The following MCPH1 variants were observed in gnomAD, a reference collection of about 807,000 sequenced individuals.
MCPH1 encodes microcephalin 1, also known as microcephalin.
MCPH1 carries 104 observed loss-of-function variants against 84.5 expected under a neutral mutation model. That is an observed-to-expected ratio of 1.23 (90% CI 1.05 to 1.45). The LOEUF (loss-of-function observed/expected upper bound fraction) is 1.45. Ranked by LOEUF, MCPH1 falls within the 40% of genes most tolerant of loss-of-function variation. The pLI is 0.00. For missense variants in MCPH1, 1,498 were observed against 1,005.7 expected, an observed-to-expected ratio of 1.49 and a Z score of -6.62; for synonymous variants, 514 against 366.8, an observed-to-expected ratio of 1.40 and a Z score of -4.58.
At chr8:6,505,424 A>T (rs10108181) in intron 12 of MCPH1, among the ~76,000 whole-genome samples, 790 of 67,580 alleles carry the variant, frequency 0.012, 134 homozygotes, top group African/African-American at 0.035. Context: ...TATATACATA[A>T]AGAATATATA....
chr8:6,597,983 C>T (rs986422163), intron 12 of MCPH1, among the ~76,000 whole-genome samples: 11 of 152,226 alleles, frequency 7.2e-5, no homozygotes, highest in African/African-American at 2.7e-4. Flanking sequence ...ACGTGCCACT[C>T]ATGTCTGCTG....
chr8:6,591,489 G>C (rs1486432365), intron 12 of MCPH1, among the ~76,000 whole-genome samples: 1 of 152,200 alleles, frequency 6.6e-6, no homozygotes, highest in Non-Finnish European at 1.5e-5. Context: ...TGAATGGTCA[G>C]TGGAACATAG....
At chr8:6,621,340 C>G (rs1425014119) in intron 12 of MCPH1, 114 bp from the exon 13 acceptor site, 3 of 1,310,534 alleles carry the variant, frequency 2.3e-6, no homozygotes, top group Admixed American at 1.7e-5. Context: ...GCATGGCAGC[C>G]TTACATTCAG....
intron 11 of MCPH1, among the ~76,000 whole-genome samples, chr8:6,482,152 C>G (rs891126357): frequency 1.3e-5 from 2 of 152,078 alleles, no homozygotes; most frequent in African/African-American, 4.8e-5. Context: ...ATAATGTTCC[C>G]CAAGCACAAG....
intron 12 of MCPH1, chr8:6,514,800 A>G (rs376772420): frequency 1.9e-5 from 31 of 1,600,152 alleles, no homozygotes; most frequent in African/African-American, 4.0e-5. Flanking sequence ...AATGCAGGGT[A>G]TAAGTGACAG....
intron 12 of MCPH1, among the ~76,000 whole-genome samples, chr8:6,535,975 T>A (rs144614807): frequency 2.5e-3 from 384 of 152,148 alleles, no homozygotes; most frequent in African/African-American, 8.8e-3. Context: ...GAGGACTGCT[T>A]GAGCCCAGGA....
At position 6,505,895 on chromosome 8, in the gene MCPH1, A is replaced by C. The variant is rs1300869665; in HGVS notation, c.2214+5966A>C. On this transcript the variant is annotated intron_variant, in intron 12 of 13. Transcript: ENST00000344683. ...ATATTCTTTATATATGTATATATAA[A>C]AACATACATATTCTTTATATATGTA... 2.4e-4 allele frequency among the ~76,000 whole-genome samples: 28 copies of C among 117,488 alleles called. No homozygotes were observed. In the East Asian group the frequency reaches 6.1e-3, roughly 25 times the overall value. 77.1% of individuals were successfully genotyped at this position (117,488 alleles called of 152,430 possible). A position where few individuals can be genotyped will look rare whatever the true frequency, so the allele number is the denominator to read the frequency against.
chr8:6,622,028 C>A, intron 13 of MCPH1: 1 of 400,482 alleles, frequency 2.5e-6, no homozygotes, highest in Non-Finnish European at 5.0e-6. Flanking sequence ...GACCCTCCCT[C>A]CCCAGTGCCT....
chr8:6,407,631 A>C (rs548090648), intron 1 of MCPH1, among the ~76,000 whole-genome samples: 53 of 152,346 alleles, frequency 3.5e-4, no homozygotes, highest in African/African-American at 1.2e-3. Flanking sequence ...CTTTATACAA[A>C]GTCTGTAATC....
chr8:6,630,241 A>G (rs957488517), intron 13 of MCPH1, among the ~76,000 whole-genome samples: 1 of 152,212 alleles, frequency 6.6e-6, no homozygotes, highest in African/African-American at 2.4e-5. Flanking sequence ...AATATTAAAA[A>G]TCCTGACAAT....
intron 9 of MCPH1, among the ~76,000 whole-genome samples, chr8:6,462,736 A>ACTTTGTGT (rs1806421022): frequency 2.0e-5 from 3 of 152,234 alleles, no homozygotes; most frequent in Non-Finnish European, 4.4e-5. Context: ...AAACAGGAAT[A>ACTTTGTGT]ATAATAATAG....
At chr8:6,544,031 A>G (rs773805867) in intron 12 of MCPH1, among the ~76,000 whole-genome samples, 17 of 152,240 alleles carry the variant, frequency 1.1e-4, no homozygotes, top group Non-Finnish European at 1.6e-4. Flanking sequence ...ATGTTTTCAG[A>G]TAAGAAACAA....
intron 11 of MCPH1, among the ~76,000 whole-genome samples, chr8:6,486,687 C>T (rs757366038): frequency 1.8e-4 from 27 of 152,164 alleles, no homozygotes; most frequent in Admixed American, 5.2e-4. Flanking sequence ...GTTTTTCCTC[C>T]TTCATGACTG....
chr8:6,477,774 C>T (rs894000620), intron 10 of MCPH1, 143 bp downstream of exon 10: 2 of 732,522 alleles, frequency 2.7e-6, no homozygotes, highest in Middle Eastern at 3.5e-4. Flanking sequence ...GTTAGAAGAT[C>T]ACTGAAAATT....
chr8:6,560,453 T>G (rs771294919), intron 12 of MCPH1, among the ~76,000 whole-genome samples: 1 of 152,208 alleles, frequency 6.6e-6, no homozygotes, highest in Non-Finnish European at 1.5e-5. Context: ...GAGGTTACAT[T>G]TAATCACTTT....
At position 6,487,966 on chromosome 8, in the gene MCPH1, G is replaced by A. The variant is rs1810131866; in HGVS notation, c.2136+7090G>A. On this transcript the variant is annotated intron_variant, in intron 11 of 13. Transcript: ENST00000344683. ...AGAAACACATCTCTGTCAAGGCATT[G>A]TTTTAAGGCAGTGACTATGGTCTTA... Among the ~76,000 whole-genome samples, 3 of 152,234 alleles carry A rather than the reference G, an allele frequency of 2.0e-5. No homozygotes were observed. The South Asian group carries it at 6.2e-4, about 31-fold the overall frequency.
chr8:6,487,802 C>T (rs1474115347), intron 11 of MCPH1, among the ~76,000 whole-genome samples: 1 of 152,178 alleles, frequency 6.6e-6, no homozygotes, highest in Non-Finnish European at 1.5e-5. Flanking sequence ...TTATACTTCA[C>T]AGAGTGTTTT....
chr8:6,634,323 G>A (rs942066576), intron 13 of MCPH1, among the ~76,000 whole-genome samples: 12 of 152,208 alleles, frequency 7.9e-5, no homozygotes, highest in Non-Finnish European at 1.3e-4. Context: ...AGGCAGCGTC[G>A]AAACTCATTG....
rs377263854 is a variant in MCPH1, at chr8:6,541,604, G to A, written c.2214+41675G>A. Among the ~76,000 whole-genome samples the A allele has an allele frequency of 4.6e-5, 7 of 152,288 alleles. No individual in the cohort carries two copies. In the South Asian group the frequency reaches 6.2e-4, roughly 14 times the overall value. ...GTTATTCTGCAGACTTCTGCCATTC[G>A]TCTATTTTTTGGGATACTTTGTTAA... On this transcript the variant is annotated intron_variant, in intron 12 of 13. Transcript: ENST00000344683.
Sources: gnomAD v4.1 joint callset for allele counts (sites outside exome capture counted in the v4.1 genomes callset) on GRCh38, gnomAD v4.1.1 for gene constraint, MANE v1.5 for transcripts, NCBI Gene and HGNC (gene_info 2026-07-23, HGNC 2026-07-21) for gene names.